The following IRF2BP1 variants were observed in gnomAD, a reference collection of about 807,000 sequenced individuals.
The protein encoded by IRF2BP1 is interferon regulatory factor 2-binding protein 1.
Under a neutral mutation model 38.6 loss-of-function variants are expected in IRF2BP1, and 9 were observed. The ratio of observed to expected loss-of-function variants is 0.23; its 90% CI spans 0.14 to 0.41. The LOEUF (loss-of-function observed/expected upper bound fraction) is 0.41, where lower values mean the gene tolerates loss of function less well. Among genes scored for constraint, IRF2BP1 ranks in the 10% least tolerant of loss-of-function variants. The pLI is 1.00. For synonymous variants in IRF2BP1, 416 were observed against 383.4 expected, an observed-to-expected ratio of 1.08 and a Z score of -0.99; for missense variants, 631 against 829.6, an observed-to-expected ratio of 0.76 and a Z score of 2.94.
rs866808046 is a variant in IRF2BP1 at position 45,884,874 on chromosome 19, G to A, written c.901C>T (p.Leu301=). Residue 301 remains leucine, a synonymous_variant, in exon 1 of 1, where the codon CTG becomes TTG. Coordinates refer to ENST00000302165, the MANE Select transcript of IRF2BP1 (RefSeq NM_015649.3). The stretch of plus-strand genomic sequence containing the variant: ...GCCAGTGCCTTGCCCGGCTCCCGCA[G>A]AGCATCGTGGAACATCTGGCGAGCC... The part of the protein sequence containing the change: ...AVARQMFHDA[L]REPGKALASS... 1.9e-6 allele frequency: 3 copies of A among 1,613,104 alleles called. No individual in the cohort carries two copies. Among genetic ancestry groups the A allele is most frequent in the African/African-American group, 1.3e-5 (1 of 75,070 alleles).
chr19:45,884,439 G>GC lies in IRF2BP1; in HGVS notation c.1335dup (p.Pro446AlafsTer134). Reference sequence around the variant, plus strand: ...GGGCTGGCGCCCCCTGCACGCACAGGCCCCCCGCCTCCGCCAGGGTCCTTG... The same window carrying GC: ...GGGCTGGCGCCCCCTGCACGCACAGGCCCCCCCGCCTCCGCCAGGGTCCTTG... On this transcript the variant is annotated frameshift_variant, in exon 1 of 1. Coordinates refer to ENST00000302165, the MANE Select transcript of IRF2BP1 (RefSeq NM_015649.3). LOFTEE classifies it high-confidence loss of function. The GC allele has an allele frequency of 6.3e-7, 1 of 1,595,922 alleles. No homozygotes were observed.
rs199578484 is a variant in IRF2BP1 at position 45,884,280 on chromosome 19, C to T, written c.1495G>A (p.Ala499Thr). Residue 499 changes from alanine (A) to threonine (T), a missense_variant, in exon 1 of 1, where the codon GCC (alanine) becomes ACC (threonine). Around this residue, in one of 5 missense-constraint regions of IRF2BP1, gnomAD observed 201 missense variants for 215.3 expected, o/e 0.93. Coordinates refer to ENST00000302165, the MANE Select transcript of IRF2BP1 (RefSeq NM_015649.3). ...GGSGTGATPG[A>T]PLCCTLCRER... is the part of the protein sequence containing the mutation. ...CTGCACAGGGTACAGCACAGGGGGGCCCCAGGGGTCGCCCCAGTGCCGCTG... is the reference window on the plus strand; with the variant it reads ...CTGCACAGGGTACAGCACAGGGGGGTCCCAGGGGTCGCCCCAGTGCCGCTG... The T allele has an allele frequency of 3.7e-6, 6 of 1,609,148 alleles. No individual in the cohort carries two copies. The East Asian group carries it at 6.7e-5, about 18-fold the overall frequency.
chr19:45,884,955 G>C lies in IRF2BP1; in HGVS notation c.820C>G (p.Leu274Val). 1 of 1,613,454 alleles carries C rather than the reference G, an allele frequency of 6.2e-7. No homozygotes were observed. Among genetic ancestry groups the C allele is most frequent in the Non-Finnish European group, 8.5e-7 (1 of 1,180,042 alleles). The change falls in exon 1 of 1, where the codon CTC (leucine) becomes GTC (valine). Residue 274 changes from leucine (L) to valine (V), a missense_variant. Physicochemically the swap from Leu to Val is conservative, Grantham distance 32 (BLOSUM62 1). Around this residue, in one of 5 missense-constraint regions of IRF2BP1, gnomAD observed 133 missense variants for 232.2 expected, o/e 0.57. Transcript: ENST00000302165. ...RPPGYEFELK[L>V]FTEYPCGSGN... is the part of the protein sequence containing the mutation. Reference sequence around the variant, plus strand: ...GAACCACAGGGGTATTCGGTGAAGAGCTTCAGCTCGAACTCGTATCCTGGA... The same window carrying C: ...GAACCACAGGGGTATTCGGTGAAGACCTTCAGCTCGAACTCGTATCCTGGA...
In IRF2BP1 at chr19:45,885,844, G is replaced by C. The variant is rs2146369890; in HGVS notation, c.-70C>G. On this transcript the variant is annotated 5_prime_UTR_variant, in exon 1 of 1. Transcript: ENST00000302165. ...CCGACGTGCGATCCGCGCCGCCAACGTTCGATCCGCGTCCCGGGGACAGCG... is the reference window on the plus strand; with the variant it reads ...CCGACGTGCGATCCGCGCCGCCAACCTTCGATCCGCGTCCCGGGGACAGCG... 7.0e-7 allele frequency: 1 copy of C among 1,425,540 alleles called. No individual in the cohort carries two copies. Among genetic ancestry groups the C allele is most frequent in the East Asian group, 3.0e-5 (1 of 33,370 alleles). The allele number at this position is 1,425,540 out of a possible 1,614,324, so 88.3% of individuals were successfully genotyped here.
Position 45,884,188 on chromosome 19 carries a change from G to A in IRF2BP1, c.1587C>T (p.Pro529=). ...PSVPGHKFCF[P]CSREFIKAQG... The stretch of plus-strand genomic sequence containing the variant: ...GCGCCTTGATGAACTCCCGGGAGCA[G>A]GGAAAGCAGAACTTGTGTCCGGGCA... The change falls in exon 1 of 1, where the codon CCC becomes CCT. Residue 529 remains proline (P), a synonymous_variant. Coordinates refer to ENST00000302165, the MANE Select transcript of IRF2BP1 (RefSeq NM_015649.3). The A allele has an allele frequency of 6.2e-7, 1 of 1,612,788 alleles. No individual in the cohort carries two copies. The highest frequency in any genetic ancestry group is 1.3e-5 in the African/African-American group (1 of 75,058).
In IRF2BP1 at chr19:45,884,641, C is replaced by T. The variant is rs1342417533; in HGVS notation, c.1134G>A (p.Pro378=). Residue 378 remains proline, a synonymous_variant, in exon 1 of 1, where the codon CCG becomes CCA. Transcript: ENST00000302165. ...GCTCGGGGGATGCCTTGCGACGGCG[C>T]GGCGTGGGCGCCAGGTTCCGGGATG... ...RAPSRNLAPT[P]RRRKASPEPE... 4.4e-6 allele frequency: 7 copies of T among 1,599,948 alleles called. No individual in the cohort carries two copies. Among genetic ancestry groups the T allele is most frequent in the Non-Finnish European group, 5.9e-6 (7 of 1,178,184 alleles).
At position 45,884,071 on chromosome 19, in the gene IRF2BP1, G is replaced by A. The variant is rs1404985348; in HGVS notation, c.1704C>T (p.Ile568=). ...TGATGTCTCCAGCAAGGATGGTGGC[G>A]ATCTCGCCCTGCATGAAGGCCCAGG... The part of the protein sequence containing the change: ...SVPWAFMQGE[I]ATILAGDIKV... Residue 568 remains isoleucine (I), a synonymous_variant, in exon 1 of 1, where the codon ATC becomes ATT. Transcript: ENST00000302165. The A allele has an allele frequency of 1.2e-6, 2 of 1,605,608 alleles. No homozygotes were observed. The highest frequency in any genetic ancestry group is 4.5e-5 in the East Asian group (2 of 44,668).
In IRF2BP1 at chr19:45,885,869, G is replaced by A; in HGVS notation, c.-95C>T. Reference sequence around the variant, plus strand: ...GTTCGATCCGCGTCCCGGGGACAGCGCGAGCCACGGTCCGGCCTCCGGCTC... The same window carrying A: ...GTTCGATCCGCGTCCCGGGGACAGCACGAGCCACGGTCCGGCCTCCGGCTC... On this transcript the variant is annotated 5_prime_UTR_variant, in exon 1 of 1. Coordinates refer to ENST00000302165, the MANE Select transcript of IRF2BP1 (RefSeq NM_015649.3). 1 of 1,337,546 alleles carries A rather than the reference G, an allele frequency of 7.5e-7. No individual in the cohort carries two copies. The highest frequency in any genetic ancestry group is 9.6e-7 in the Non-Finnish European group (1 of 1,036,998). 82.9% of individuals were successfully genotyped at this position (1,337,546 alleles called of 1,614,324 possible).
chr19:45,885,747 G>T lies in IRF2BP1; in HGVS notation c.28C>A (p.Gln10Lys). 6.3e-7 allele frequency: 1 copy of T among 1,580,280 alleles called. No individual in the cohort carries two copies. Among genetic ancestry groups the T allele is most frequent in the Middle Eastern group, 1.7e-4 (1 of 5,862 alleles). ...GGCAGGTCGCACAGGTAGCACCACT[G>T]GCGGCGGGACGCCTGCACAGACGCC... MASVQASRR[Q>K]WCYLCDLPKM... Residue 10 changes from glutamine to lysine, a missense_variant, in exon 1 of 1, where the codon CAG becomes AAG. Gln to Lys is a moderately conservative substitution (Grantham distance 53). Around this residue, in one of 5 missense-constraint regions of IRF2BP1, gnomAD observed 33 missense variants for 66.8 expected, o/e 0.49. Coordinates refer to ENST00000302165, the MANE Select transcript of IRF2BP1 (RefSeq NM_015649.3).
rs762305791 is a variant in IRF2BP1 at position 45,883,972 on chromosome 19, G to A, written c.*48C>T. 8 of 1,483,804 alleles carry A rather than the reference G, an allele frequency of 5.4e-6. No individual in the cohort carries two copies. Among genetic ancestry groups the A allele is most frequent in the Non-Finnish European group, 5.4e-6 (6 of 1,106,840 alleles). 91.9% of individuals were successfully genotyped at this position (1,483,804 alleles called of 1,614,324 possible). On this transcript the variant is annotated 3_prime_UTR_variant, in exon 1 of 1. Coordinates refer to ENST00000302165, the MANE Select transcript of IRF2BP1 (RefSeq NM_015649.3). ...GAGGGAATAATTTATCCGCGGCAGC[G>A]GTGGGTGGCAAAGGGGCAGAGGGCA...
chr19:45,885,413 A>G lies in IRF2BP1; in HGVS notation c.362T>C (p.Leu121Pro). Residue 121 changes from leucine to proline, a missense_variant, in exon 1 of 1, where the codon CTC (leucine) becomes CCC (proline). Physicochemically the swap from Leu to Pro is moderately conservative, Grantham distance 98. This residue lies in a region of IRF2BP1 where 206 missense variants were observed against 207.0 expected (regional missense o/e 1.00). Transcript: ENST00000302165. Reference protein sequence around the residue: ...RYDRATSSGRLPLPSPALEYT... With the variant: ...RYDRATSSGRPPLPSPALEYT... Reference sequence around the variant, plus strand: ...CTCCAGGGCGGGCGAGGGCAGGGGGAGGCGGCCTGATGATGTGGCCCTGTC... The same window carrying G: ...CTCCAGGGCGGGCGAGGGCAGGGGGGGGCGGCCTGATGATGTGGCCCTGTC... 2 of 1,583,860 alleles carry G rather than the reference A, an allele frequency of 1.3e-6. No individual in the cohort carries two copies. The highest frequency in any genetic ancestry group is 2.7e-5 in the African/African-American group (2 of 74,562).
In IRF2BP1 at chr19:45,883,717, G is replaced by C; in HGVS notation, c.*303C>G. 1 of 335,586 alleles carries C rather than the reference G, an allele frequency of 3.0e-6. No individual in the cohort carries two copies. Among genetic ancestry groups the C allele is most frequent in the East Asian group, 4.6e-5 (1 of 21,576 alleles). 20.8% of individuals were successfully genotyped at this position (335,586 alleles called of 1,614,324 possible). A position where few individuals can be genotyped will look rare whatever the true frequency, so the allele number is the denominator to read the frequency against. ...GTTTATAAAGAGCGAGTTTTCAGGA[G>C]GTCCCTTCTCAAGGAGGAGGGGGGC... On this transcript the variant is annotated 3_prime_UTR_variant, in exon 1 of 1. Coordinates refer to ENST00000302165, the MANE Select transcript of IRF2BP1 (RefSeq NM_015649.3).
At position 45,886,005 on chromosome 19, in the gene IRF2BP1, C is replaced by A. The variant is rs1967051244; in HGVS notation, c.-231G>T. 4.3e-6 allele frequency: 2 copies of A among 462,210 alleles called. No individual in the cohort carries two copies. Among genetic ancestry groups the A allele is most frequent in the Non-Finnish European group, 7.3e-6 (2 of 272,584 alleles). 28.6% of individuals were successfully genotyped at this position (462,210 alleles called of 1,614,324 possible). A position where few individuals can be genotyped will look rare whatever the true frequency, so the allele number is the denominator to read the frequency against. ...AGGCAGGCTGAGGCACGTCGGCGCCCCCGCCCGGTCCGGGCTCCGAGCCGA... is the reference window on the plus strand; with the variant it reads ...AGGCAGGCTGAGGCACGTCGGCGCCACCGCCCGGTCCGGGCTCCGAGCCGA... On this transcript the variant is annotated 5_prime_UTR_variant, in exon 1 of 1. Coordinates refer to ENST00000302165, the MANE Select transcript of IRF2BP1 (RefSeq NM_015649.3).
rs1225296539 is a variant in IRF2BP1, at chr19:45,883,884, G to T, written c.*136C>A. 35 of 806,804 alleles carry T rather than the reference G, an allele frequency of 4.3e-5. No homozygotes were observed. The highest frequency in any genetic ancestry group is 6.3e-5 in the Non-Finnish European group (34 of 540,906). The allele number at this position is 806,804 out of a possible 1,614,324, so 50.0% of individuals were successfully genotyped here. On this transcript the variant is annotated 3_prime_UTR_variant, in exon 1 of 1. Coordinates refer to ENST00000302165, the MANE Select transcript of IRF2BP1 (RefSeq NM_015649.3). ...CACCCACAATGCATCTACCCCAGGG[G>T]ACCCATCTGGGTGGAAGAAGGGAGT...
In IRF2BP1 at chr19:45,885,097, G is replaced by A; in HGVS notation, c.678C>T (p.Pro226=). The part of the protein sequence containing the change: ...RGRAEEWHGR[P]KAVREQLLAL... Reference sequence around the variant, plus strand: ...CCAGTAGCTGTTCCCGCACTGCTTTGGGGCGCCCGTGCCATTCCTCTGCCC... The same window carrying A: ...CCAGTAGCTGTTCCCGCACTGCTTTAGGGCGCCCGTGCCATTCCTCTGCCC... Residue 226 remains proline (P), a synonymous_variant, in exon 1 of 1, where the codon CCC becomes CCT. Coordinates refer to ENST00000302165, the MANE Select transcript of IRF2BP1 (RefSeq NM_015649.3). 1 of 1,611,972 alleles carries A rather than the reference G, an allele frequency of 6.2e-7. No individual in the cohort carries two copies. The highest frequency in any genetic ancestry group is 1.3e-5 in the African/African-American group (1 of 75,082).
In IRF2BP1 at chr19:45,885,282, C is replaced by T. The variant is rs1399135741; in HGVS notation, c.493G>A (p.Gly165Arg). 1 of 1,603,212 alleles carries T rather than the reference C, an allele frequency of 6.2e-7. No individual in the cohort carries two copies. Among genetic ancestry groups the T allele is most frequent in the African/African-American group, 1.3e-5 (1 of 74,954 alleles). The part of the protein sequence containing the change: ...LGSMPGLMPP[G>R]LLAAAVSGLG... Reference sequence around the variant, plus strand: ...CCAGACACTGCAGCTGCCAGCAGCCCAGGGGGCATCAAGCCAGGCATGGAG... The same window carrying T: ...CCAGACACTGCAGCTGCCAGCAGCCTAGGGGGCATCAAGCCAGGCATGGAG... Residue 165 changes from glycine to arginine, a missense_variant, in exon 1 of 1, where the codon GGG (glycine) becomes AGG (arginine). Transcript: ENST00000302165.
chr19:45,884,151 C>T lies in IRF2BP1; in HGVS notation c.1624G>A (p.Gly542Arg), dbSNP rs1190982927. The stretch of plus-strand genomic sequence containing the variant: ...TCTCCGCTCGGGCAGTACACCTCCC[C>T]GGCCGGGCCCTGCGCCTTGATGAAC... Reference protein sequence around the residue: ...REFIKAQGPAGEVYCPSGDKC... With the variant: ...REFIKAQGPAREVYCPSGDKC... The change falls in exon 1 of 1, where the codon GGG becomes AGG. Residue 542 changes from glycine to arginine, a missense_variant. Physicochemically the swap from Gly to Arg is moderately radical, Grantham distance 125. Around this residue, in one of 5 missense-constraint regions of IRF2BP1, gnomAD observed 58 missense variants for 108.4 expected, o/e 0.54. Coordinates refer to ENST00000302165, the MANE Select transcript of IRF2BP1 (RefSeq NM_015649.3). 2.5e-6 allele frequency: 4 copies of T among 1,613,178 alleles called. No homozygotes were observed. The South Asian group carries it at 3.3e-5, about 13-fold the overall frequency.
At position 45,883,954 on chromosome 19, in the gene IRF2BP1, TA is replaced by T; in HGVS notation, c.*65del. The T allele has an allele frequency of 1.4e-6, 2 of 1,426,014 alleles. No individual in the cohort carries two copies. The highest frequency in any genetic ancestry group is 2.8e-5 in the South Asian group (2 of 72,474). The allele number at this position is 1,426,014 out of a possible 1,614,324, so 88.3% of individuals were successfully genotyped here. On this transcript the variant is annotated 3_prime_UTR_variant, in exon 1 of 1. Transcript: ENST00000302165. ...GCACTGGGCTGGGTCGGGGAGGGAA[TA>T]ATTTATCCGCGGCAGCGGTGGGTGG...
In IRF2BP1 at chr19:45,885,409, G is replaced by A. The variant is rs767691198; in HGVS notation, c.366C>T (p.Pro122=). ...YDRATSSGRL[P]LPSPALEYTL... The stretch of plus-strand genomic sequence containing the variant: ...TGTACTCCAGGGCGGGCGAGGGCAG[G>A]GGGAGGCGGCCTGATGATGTGGCCC... The change falls in exon 1 of 1, where the codon CCC becomes CCT. Residue 122 remains proline, a synonymous_variant. Transcript: ENST00000302165. The A allele has an allele frequency of 1.9e-6, 3 of 1,590,444 alleles. No individual in the cohort carries two copies. Among genetic ancestry groups the A allele is most frequent in the Non-Finnish European group, 2.6e-6 (3 of 1,168,876 alleles).
Sources: allele counts gnomAD v4.1 joint callset, GRCh38; gene constraint gnomAD v4.1.1; regional missense constraint gnomAD v4.1.1; transcripts MANE v1.5; gene names NCBI Gene and HGNC (gene_info 2026-07-23, HGNC 2026-07-21).